The following CERS6 variants were observed in gnomAD, a reference collection of about 807,000 sequenced individuals.
CERS6 encodes LAG1 homolog, ceramide synthase 6.
In CERS6, 26 loss-of-function variants were observed where a neutral mutation model predicts 56.8. That is an observed-to-expected ratio of 0.46 (90% CI 0.34 to 0.63). CERS6 has a LOEUF of 0.63. Ranked by LOEUF, CERS6 falls within the 30% of genes least tolerant of loss-of-function variation. The pLI, the probability that CERS6 is intolerant of heterozygous loss-of-function variation, is 0.01. For synonymous variants in CERS6, 164 were observed against 173.3 expected, an observed-to-expected ratio of 0.95 and a Z score of 0.42; for missense variants, 415 against 467.5, an observed-to-expected ratio of 0.89 and a Z score of 1.04.
intron 4 of CERS6, among the ~76,000 whole-genome samples, chr2:168,648,532 C>T (rs1199802704): frequency 6.6e-6 from 1 of 152,012 alleles, no homozygotes; most frequent in Non-Finnish European, 1.5e-5. Flanking sequence ...TTTAATTCAG[C>T]TCTGATTTTG....
chr2:168,685,494 T>C (rs1459463812), intron 4 of CERS6, among the ~76,000 whole-genome samples: 1 of 152,192 alleles, frequency 6.6e-6, no homozygotes, highest in Non-Finnish European at 1.5e-5. Flanking sequence ...TAATTGCAGA[T>C]GGTAAAGTAA....
chr2:168,540,213 G>A (rs747088516), intron 1 of CERS6, among the ~76,000 whole-genome samples: 39 of 151,920 alleles, frequency 2.6e-4, no homozygotes, highest in Non-Finnish European at 4.9e-4. Context: ...AGTTAATTAT[G>A]GGGGGTGGAG....
chr2:168,506,446 A>T (rs976606456), intron 1 of CERS6, among the ~76,000 whole-genome samples: 1 of 152,178 alleles, frequency 6.6e-6, no homozygotes, highest in Non-Finnish European at 1.5e-5. Context: ...GACCCACCTG[A>T]TTTATCCATT....
chr2:168,631,822 A>G (rs1172178767), intron 4 of CERS6, among the ~76,000 whole-genome samples: 2 of 131,350 alleles, frequency 1.5e-5, no homozygotes, highest in Non-Finnish European at 3.1e-5. Context: ...TTTATTATAT[A>G]TTATATAATA....
At chr2:168,597,379 C>G (rs1265960535) in intron 3 of CERS6, among the ~76,000 whole-genome samples, 2 of 152,228 alleles carry the variant, frequency 1.3e-5, no homozygotes, top group African/African-American at 4.8e-5. Flanking sequence ...TGCACACTCT[C>G]ATTCCATGGA....
At chr2:168,610,291 A>C (rs1300908471) in intron 3 of CERS6, among the ~76,000 whole-genome samples, 1 of 152,016 alleles carries the variant, frequency 6.6e-6, no homozygotes, top group Admixed American at 6.6e-5. Context: ...GATTTTTTTT[A>C]GAATAGGTAA....
chr2:168,668,824 G>T (rs568551893), intron 4 of CERS6, among the ~76,000 whole-genome samples: 2 of 152,182 alleles, frequency 1.3e-5, no homozygotes, highest in African/African-American at 4.8e-5. Context: ...CAGAGCTCAG[G>T]TGAATTATTT....
At chr2:168,494,581 A>G (rs138079676) in intron 1 of CERS6, among the ~76,000 whole-genome samples, 2 of 152,294 alleles carry the variant, frequency 1.3e-5, no homozygotes, top group Non-Finnish European at 2.9e-5. Flanking sequence ...AGCCCTTTCC[A>G]GTGAGCTGAG....
intron 8 of CERS6, among the ~76,000 whole-genome samples, chr2:168,751,057 G>A (rs772960501): frequency 1.3e-5 from 2 of 152,136 alleles, no homozygotes; most frequent in African/African-American, 2.4e-5. Flanking sequence ...AAACATAGCT[G>A]TGGTCACTGA....
At chr2:168,582,419 G>GCTGGGC (rs1683436169) in intron 3 of CERS6, among the ~76,000 whole-genome samples, 4 of 152,052 alleles carry the variant, frequency 2.6e-5, no homozygotes, top group African/African-American at 9.7e-5. Context: ...TTACTATCTT[G>GCTGGGC]TCACCTCTGA....
At position 168,720,630 on chromosome 2, in the gene CERS6, A is replaced by AATG. The variant is rs1036257414; in HGVS notation, c.845+2662_845+2664dup. On this transcript the variant is annotated intron_variant, in intron 8 of 9. Coordinates refer to ENST00000305747, the MANE Select transcript of CERS6 (RefSeq NM_203463.3). ...GAAGTTTCCTCATCTCTTAAATAGGAATGATGATGATGCCCACTCACAGCA... is the reference window on the plus strand; with the variant it reads ...GAAGTTTCCTCATCTCTTAAATAGGAATGATGATGATGATGCCCACTCACAGCA... Among the ~76,000 whole-genome samples, 5 of 152,302 alleles carry AATG rather than the reference A, an allele frequency of 3.3e-5. 1 individual carries two copies. Among genetic ancestry groups the AATG allele is most frequent in the Admixed American group, 6.5e-5 (1 of 15,290 alleles).
rs1267809152 is a variant in CERS6, at chr2:168,773,459, A to G, written c.*3797A>G. 1 of 152,198 alleles carries G rather than the reference A, an allele frequency of 6.6e-6. No individual in the cohort carries two copies. The highest frequency in any genetic ancestry group is 2.4e-5 in the African/African-American group (1 of 41,430). 9.4% of individuals were successfully genotyped at this position (152,198 alleles called of 1,614,324 possible). On this transcript the variant is annotated 3_prime_UTR_variant, in exon 10 of 10. Transcript: ENST00000305747. ...TTGGCTGATTTCTGCTTTGTAGATA[A>G]ATAATAATAGCCCTGAGATGTTTCT... is the stretch of plus-strand genomic sequence containing the variant.
At chr2:168,642,930 A>AT (rs1378420483) in intron 4 of CERS6, among the ~76,000 whole-genome samples, 4 of 152,178 alleles carry the variant, frequency 2.6e-5, no homozygotes, top group African/African-American at 7.2e-5. Flanking sequence ...CAGACCCTTG[A>AT]TTAGGGGGTT....
chr2:168,509,004 C>T (rs13396061), intron 1 of CERS6, among the ~76,000 whole-genome samples: 13,535 of 152,052 alleles, frequency 0.089, 1,206 homozygotes, highest in African/African-American at 0.22. Flanking sequence ...GTTTTACTTT[C>T]TAGATGGTAA....
chr2:168,539,436 A>G (rs575220315), intron 1 of CERS6, among the ~76,000 whole-genome samples: 29 of 152,332 alleles, frequency 1.9e-4, no homozygotes, highest in Non-Finnish European at 3.4e-4. Flanking sequence ...TTGTTGATCT[A>G]AAAAAGAATT....
chr2:168,499,957 A>G (rs1694550159), intron 1 of CERS6, among the ~76,000 whole-genome samples: 1 of 152,140 alleles, frequency 6.6e-6, no homozygotes, highest in Non-Finnish European at 1.5e-5. Flanking sequence ...CAGTATCCCA[A>G]TAAACAAGAA....
intron 6 of CERS6, among the ~76,000 whole-genome samples, chr2:168,705,746 A>G (rs945937687): frequency 6.6e-6 from 1 of 152,148 alleles, no homozygotes; most frequent in Non-Finnish European, 1.5e-5. Context: ...GTAGAACACA[A>G]TCTGCCCCCT....
At chr2:168,694,057 G>A (rs1410326777) in intron 5 of CERS6, among the ~76,000 whole-genome samples, 8 of 152,102 alleles carry the variant, frequency 5.3e-5, no homozygotes, top group African/African-American at 1.9e-4. Context: ...ATTGTCTTGT[G>A]TATAGGGGTA....
intron 4 of CERS6, among the ~76,000 whole-genome samples, chr2:168,633,467 A>G (rs1454660301): frequency 2.6e-5 from 4 of 152,180 alleles, no homozygotes; most frequent in African/African-American, 9.6e-5. Flanking sequence ...AGTTTATTAA[A>G]GGCTGAACCT....
Sources: allele counts gnomAD v4.1 joint callset (sites outside exome capture counted in the v4.1 genomes callset), GRCh38; gene constraint gnomAD v4.1.1; transcripts MANE v1.5; gene names NCBI Gene and HGNC (gene_info 2026-07-23, HGNC 2026-07-21).